Variants in SPDYE3 observed in about 807,000 individuals in gnomAD.
SPDYE3 encodes speedy/RINGO cell cycle regulator family member E3.
SPDYE3 carries 15 observed loss-of-function variants against 55.0 expected under a neutral mutation model. The ratio of observed to expected loss-of-function variants is 0.27; its 90% CI spans 0.18 to 0.42. The LOEUF (loss-of-function observed/expected upper bound fraction) is 0.42. Among genes scored for constraint, SPDYE3 ranks in the 10% least tolerant of loss-of-function variants. The pLI is 1.00. For missense variants in SPDYE3, 236 were observed against 576.7 expected, an observed-to-expected ratio of 0.41 and a Z score of 6.05; for synonymous variants, 89 against 229.9, an observed-to-expected ratio of 0.39 and a Z score of 5.55.
intron 8 of SPDYE3, 114 bp from the exon 9 acceptor site, chr7:100,319,451 G>A: frequency 6.5e-7 from 1 of 1,544,496 alleles, no homozygotes; most frequent in Non-Finnish European, 8.8e-7. Context: ...TCTGCAGGGT[G>A]GGTGCCAGTC....
chr7:100,319,797 G>C lies in SPDYE3; in HGVS notation c.1579G>C (p.Glu527Gln). The C allele has an allele frequency of 6.2e-7, 1 of 1,611,536 alleles. No homozygotes were observed. The highest frequency in any genetic ancestry group is 8.5e-7 in the Non-Finnish European group (1 of 1,178,842). The change falls in exon 9 of 11, where the codon GAG (glutamate) becomes CAG (glutamine). Residue 527 changes from glutamate (E) to glutamine (Q), a missense_variant. Transcript: ENST00000332397. The stretch of plus-strand genomic sequence containing the variant: ...CTGCAGGGCTTGGGTTTCCCCGGAG[G>C]AGTTGGAGGAGGTGGGTGGGGCCTG... ...MRCRAWVSPE[E>Q]LEEIQAYDPE...
rs183344825 is a variant in SPDYE3 at position 100,320,819 on chromosome 7, A to G, written c.*46-72A>G. The G allele has an allele frequency of 1.1e-4, 122 of 1,111,736 alleles. No homozygotes were observed. The East Asian group carries it at 6.1e-3, about 55-fold the overall frequency. The allele number at this position is 1,111,736 out of a possible 1,614,324, so 68.9% of individuals were successfully genotyped here. A position where few individuals can be genotyped will look rare whatever the true frequency, so the allele number is the denominator to read the frequency against. On this transcript the variant is annotated intron_variant, in intron 10 of 10. Transcript: ENST00000332397. ...GCTCTGAACTCTAGCTAGACTTGAC[A>G]TGGGACGTGAATAACCTTCCTGTCT... is the stretch of plus-strand genomic sequence containing the variant.
At position 100,319,789 on chromosome 7, in the gene SPDYE3, C is replaced by T. The variant is rs371409173; in HGVS notation, c.1571C>T (p.Ser524Phe). ...FCSMRCRAWV[S>F]PEELEEIQAY... is the part of the protein sequence containing the mutation. ...TCCATGCGCTGCAGGGCTTGGGTTT[C>T]CCCGGAGGAGTTGGAGGAGGTGGGT... Residue 524 changes from serine to phenylalanine, a missense_variant, in exon 9 of 11, where the codon TCC (serine) becomes TTC (phenylalanine). Physicochemically the swap from Ser to Phe is radical, Grantham distance 155 (BLOSUM62 -2). Transcript: ENST00000332397. The T allele has an allele frequency of 6.2e-7, 1 of 1,613,884 alleles. No homozygotes were observed. Among genetic ancestry groups the T allele is most frequent in the South Asian group, 1.1e-5 (1 of 91,080 alleles).
Sources: allele counts gnomAD v4.1 joint callset, GRCh38; gene constraint gnomAD v4.1.1; transcripts MANE v1.5; gene names NCBI Gene and HGNC (gene_info 2026-07-23, HGNC 2026-07-21).